The following MERTK variants were observed in gnomAD, a reference collection of about 807,000 sequenced individuals.
MERTK encodes the protein tyrosine-protein kinase Mer.
A neutral mutation model predicts 99.3 loss-of-function variants in MERTK; 69 were observed. The ratio of observed to expected loss-of-function variants is 0.70; its 90% CI spans 0.57 to 0.85. The LOEUF (loss-of-function observed/expected upper bound fraction) is 0.85. Ranked by LOEUF, MERTK falls within the 40% of genes least tolerant of loss-of-function variation. MERTK has a pLI of 0.00. For missense variants in MERTK, 1,125 were observed against 1,249.4 expected (o/e 0.90, Z 1.50); for synonymous variants, 426 against 467.6 (o/e 0.91, Z 1.15).
chr2:111,994,128 TG>T, intron 8 of MERTK, 122 bp from the exon 9 acceptor site: 1 of 1,096,906 alleles, frequency 9.1e-7, no homozygotes, highest in Non-Finnish European at 1.4e-6. Context: ...AGGAATGCTG[TG>T]GAAGTGTGGC....
At chr2:111,981,005 T>C (rs1163972396) in intron 7 of MERTK, among the ~76,000 whole-genome samples, 1 of 152,216 alleles carries the variant, frequency 6.6e-6, no homozygotes, top group East Asian at 1.9e-4. Context: ...CATGTTGTGT[T>C]GGCCATATTT....
intron 1 of MERTK, among the ~76,000 whole-genome samples, chr2:111,926,014 G>A (rs1361906204): frequency 6.6e-6 from 1 of 151,664 alleles, no homozygotes; most frequent in African/African-American, 2.4e-5. Flanking sequence ...TGTATTTTTA[G>A]TAGAGATGGG....
intron 18 of MERTK, chr2:112,024,771 A>T (rs1677430668): frequency 2.0e-5 from 3 of 152,304 alleles, no homozygotes; most frequent in African/African-American, 7.2e-5. Flanking sequence ...TCTACAAAAA[A>T]TAAACAAAAT....
chr2:112,018,999 G>C (rs551791373), intron 15 of MERTK, among the ~76,000 whole-genome samples: 1 of 136,976 alleles, frequency 7.3e-6, no homozygotes, highest in East Asian at 2.0e-4. Context: ...TTTCCCCTCC[G>C]AAACATTAGA....
chr2:111,990,161 G>A (rs1676585400), intron 8 of MERTK, among the ~76,000 whole-genome samples: 1 of 152,056 alleles, frequency 6.6e-6, no homozygotes, highest in Admixed American at 6.6e-5. Context: ...ATGAATTGGG[G>A]CACACCGTTC....
chr2:111,940,508 CTT>C, intron 2 of MERTK: 1 of 593,344 alleles, frequency 1.7e-6, no homozygotes, highest in Non-Finnish European at 3.3e-6. Flanking sequence ...GGCAAGCCCT[CTT>C]TTGTTTGATT....
chr2:112,003,918 G>A lies in MERTK; in HGVS notation c.1801G>A (p.Val601Ile). The stretch of plus-strand genomic sequence containing the variant: ...TCACTTCACAGGAGAGTTTGGGTCT[G>A]TAATGGAAGGAAATCTTAAGCAGGA... ...KILGEGEFGS[V>I]MEGNLKQEDG... Residue 601 changes from valine to isoleucine, a missense_variant, in exon 13 of 19, where the codon GTA becomes ATA. Physicochemically the swap from Val to Ile is conservative, Grantham distance 29. Transcript: ENST00000295408. 1 of 1,613,550 alleles carries A rather than the reference G, an allele frequency of 6.2e-7. No individual in the cohort carries two copies. Among genetic ancestry groups the A allele is most frequent in the South Asian group, 1.1e-5 (1 of 91,078 alleles).
At chr2:111,934,081 C>A (rs1312488524) in intron 2 of MERTK, among the ~76,000 whole-genome samples, 1 of 152,126 alleles carries the variant, frequency 6.6e-6, no homozygotes, top group Non-Finnish European at 1.5e-5. Context: ...CATAGTATTC[C>A]ATGGCATATA....
chr2:112,018,048 C>T (rs1032191533), intron 15 of MERTK, among the ~76,000 whole-genome samples: 7 of 152,216 alleles, frequency 4.6e-5, no homozygotes, highest in South Asian at 2.1e-4. Flanking sequence ...ATTTGTAGCC[C>T]AAGCTATTAA....
intron 1 of MERTK, among the ~76,000 whole-genome samples, chr2:111,920,131 T>C (rs1195370747): frequency 6.6e-6 from 1 of 152,238 alleles, no homozygotes; most frequent in Non-Finnish European, 1.5e-5. Flanking sequence ...TGTTCCCATA[T>C]TGGTTGCTTA....
At chr2:111,990,499 G>A (rs1393931554) in intron 8 of MERTK, among the ~76,000 whole-genome samples, 2 of 152,210 alleles carry the variant, frequency 1.3e-5, no homozygotes, top group African/African-American at 4.8e-5. Context: ...ATTTGCTCTG[G>A]GCCAGGCACT....
chr2:111,900,777 A>G (rs1684028945), intron 1 of MERTK, among the ~76,000 whole-genome samples: 1 of 152,206 alleles, frequency 6.6e-6, no homozygotes, highest in Admixed American at 6.5e-5. Context: ...GAAAAGCTTA[A>G]AGAATGGGAT....
Position 112,001,295 on chromosome 2 carries a change from A to C in MERTK, c.1690+9A>C. On this transcript the variant is annotated intron_variant, in intron 11 of 18. Coordinates refer to ENST00000295408, the MANE Select transcript of MERTK (RefSeq NM_006343.3). ...AGCCATTGAACTTACCTGTAAGTTG[A>C]CTTTCATTTCCCTTTTTGGCAAAAG... 1 of 1,605,500 alleles carries C rather than the reference A, an allele frequency of 6.2e-7. No individual in the cohort carries two copies. The highest frequency in any genetic ancestry group is 8.5e-7 in the Non-Finnish European group (1 of 1,172,122).
intron 4 of MERTK, among the ~76,000 whole-genome samples, chr2:111,962,668 CATT>C (rs1022422407): frequency 8.5e-5 from 13 of 152,174 alleles, no homozygotes; most frequent in Non-Finnish European, 2.9e-5. Context: ...GATACATCAT[CATT>C]AACTAAGGTC....
At chr2:111,943,566 C>T (rs1021504646) in intron 2 of MERTK, among the ~76,000 whole-genome samples, 3 of 152,098 alleles carry the variant, frequency 2.0e-5, no homozygotes, top group African/African-American at 7.2e-5. Flanking sequence ...ATGTGCATTT[C>T]AACATGTAAA....
intron 9 of MERTK, chr2:111,994,773 G>A (rs146393570): frequency 0.014 from 2,762 of 192,012 alleles, 80 homozygotes; most frequent in African/African-American, 0.066. Flanking sequence ...GTGAGACCCT[G>A]TCTCAAAAAA....
chr2:112,020,511 TCTC>T, intron 16 of MERTK: 1 of 459,370 alleles, frequency 2.2e-6, no homozygotes, highest in Admixed American at 2.5e-5. Flanking sequence ...TATTCTTTCT[TCTC>T]CTCTTCCTTC....
intron 1 of MERTK, among the ~76,000 whole-genome samples, chr2:111,913,678 G>A (rs986536583): frequency 1.3e-5 from 2 of 152,084 alleles, no homozygotes; most frequent in Non-Finnish European, 2.9e-5. Flanking sequence ...GGAGTAGCTG[G>A]GATTACAGGC....
At chr2:112,006,397 T>C (rs1676980944) in intron 13 of MERTK, among the ~76,000 whole-genome samples, 1 of 152,040 alleles carries the variant, frequency 6.6e-6, no homozygotes, top group East Asian at 1.9e-4. Flanking sequence ...CCCCAGAAAC[T>C]AAAACACCCT....
Sources: allele counts gnomAD v4.1 joint callset (sites outside exome capture counted in the v4.1 genomes callset), GRCh38; gene constraint gnomAD v4.1.1; transcripts MANE v1.5; gene names NCBI Gene and HGNC (gene_info 2026-07-23, HGNC 2026-07-21).